Variants in TET2 observed in about 807,000 individuals in gnomAD.
TET2 encodes the protein tet methylcytosine dioxygenase 2, also known as methylcytosine dioxygenase TET2.
A neutral mutation model predicts 142.9 loss-of-function variants in TET2; 299 were observed. The observed-to-expected ratio is 2.09, with a 90% CI of 1.90 to 2.30. The LOEUF is 2.30. TET2 is among the 30% of genes most tolerant of loss of function. TET2 has a pLI of 0.00. For synonymous variants in TET2, 819 were observed against 849.0 expected (o/e 0.96, Z 0.61); for missense variants, 2,418 against 2,378.0 (o/e 1.02, Z -0.35).
At position 105,276,652 on chromosome 4, in the gene TET2, C is replaced by G; in HGVS notation, c.*133C>G. The G allele has an allele frequency of 9.7e-7, 1 of 1,032,120 alleles. No homozygotes were observed. The highest frequency in any genetic ancestry group is 1.4e-6 in the Non-Finnish European group (1 of 730,060). The allele number at this position is 1,032,120 out of a possible 1,614,324, so 63.9% of individuals were successfully genotyped here. On this transcript the variant is annotated 3_prime_UTR_variant, in exon 11 of 11. Coordinates refer to ENST00000380013, the MANE Select transcript of TET2 (RefSeq NM_001127208.3). ...AAATGTGGTGGGAAAAACCTCAGCTCACCAGCAACAAAAGAGGTTATCTTA... is the reference window on the plus strand; with the variant it reads ...AAATGTGGTGGGAAAAACCTCAGCTGACCAGCAACAAAAGAGGTTATCTTA...
At chr4:105,176,080 A>G (rs1724775782) in intron 1 of TET2, among the ~76,000 whole-genome samples, 1 of 152,186 alleles carries the variant, frequency 6.6e-6, no homozygotes, top group African/African-American at 2.4e-5. Flanking sequence ...GAGAGAGGTA[A>G]AATGATACAG....
intron 2 of TET2, among the ~76,000 whole-genome samples, chr4:105,223,650 C>T (rs1265372337): frequency 2.0e-5 from 3 of 152,100 alleles, no homozygotes; most frequent in Non-Finnish European, 4.4e-5. Flanking sequence ...GTATAATTGA[C>T]ACAAGCTATG....
intron 2 of TET2, among the ~76,000 whole-genome samples, chr4:105,196,390 C>A (rs181561434): frequency 6.0e-4 from 92 of 152,146 alleles, no homozygotes; most frequent in African/African-American, 2.1e-3. Flanking sequence ...ATGTAGAATT[C>A]TTGGGGACAC....
chr4:105,205,693 A>T (rs558596869), intron 2 of TET2, among the ~76,000 whole-genome samples: 16 of 152,084 alleles, frequency 1.1e-4, no homozygotes, highest in African/African-American at 3.9e-4. Flanking sequence ...GTGCAATGGC[A>T]GGATCTCAGC....
At chr4:105,269,187 C>T (rs1169580206) in intron 8 of TET2, among the ~76,000 whole-genome samples, 1 of 152,076 alleles carries the variant, frequency 6.6e-6, no homozygotes, top group Non-Finnish European at 1.5e-5. Flanking sequence ...AAAAGGTAAT[C>T]TTGACCCTTA....
Position 105,277,627 on chromosome 4 carries a change from T to TA in TET2, c.*1109dup, listed in dbSNP as rs1731282339. ...AGCCAGTTAAATCCACCATGGGGCT[T>TA]ACTGGATTCAAGGGAATACGTTAGT... On this transcript the variant is annotated 3_prime_UTR_variant, in exon 11 of 11. Transcript: ENST00000380013. The TA allele has an allele frequency of 4.4e-6, 1 of 229,336 alleles. No homozygotes were observed. The highest frequency in any genetic ancestry group is 8.6e-6 in the Non-Finnish European group (1 of 115,722). 14.2% of individuals were successfully genotyped at this position (229,336 alleles called of 1,614,324 possible).
In TET2 at chr4:105,243,819, G is replaced by T. The variant is rs1026155168; in HGVS notation, c.3803+41G>T. ...GGCCTCTCCCCTCTTTGCGGCCACTGATAGGAAAGCCCAATCTTTGGTTGA... is the reference window on the plus strand; with the variant it reads ...GGCCTCTCCCCTCTTTGCGGCCACTTATAGGAAAGCCCAATCTTTGGTTGA... On this transcript the variant is annotated intron_variant, in intron 6 of 10. Transcript: ENST00000380013. 3.3e-6 allele frequency: 5 copies of T among 1,519,430 alleles called. No homozygotes were observed. In the African/African-American group the frequency reaches 6.9e-5, roughly 21 times the overall value. The allele number at this position is 1,519,430 out of a possible 1,614,324, so 94.1% of individuals were successfully genotyped here. A position where few individuals can be genotyped will look rare whatever the true frequency, so the allele number is the denominator to read the frequency against.
intron 6 of TET2, among the ~76,000 whole-genome samples, chr4:105,257,677 C>G (rs1578713291): frequency 6.6e-6 from 1 of 152,144 alleles, no homozygotes; most frequent in Non-Finnish European, 1.5e-5. Context: ...ATGTGGCTTT[C>G]TAAATTCCCA....
At chr4:105,250,827 G>A (rs374718353) in intron 6 of TET2, among the ~76,000 whole-genome samples, 42 of 152,030 alleles carry the variant, frequency 2.8e-4, no homozygotes, top group Admixed American at 8.5e-4. Context: ...CTACAGGTGC[G>A]CGCCACCATG....
Position 105,200,637 on chromosome 4 carries a change from T to C in TET2, c.-47+10132T>C, listed in dbSNP as rs1419151248. ...ACTCCCAGGTCACACTGTTTTTTTT[T>C]GTTTGTTTTGTTTTTGTTTTTGTTT... On this transcript the variant is annotated intron_variant, in intron 2 of 10. Transcript: ENST00000380013. 2.0e-5 allele frequency among the ~76,000 whole-genome samples: 3 copies of C among 149,208 alleles called. No homozygotes were observed. In the East Asian group the frequency reaches 5.9e-4, roughly 29 times the overall value.
intron 1 of TET2, among the ~76,000 whole-genome samples, chr4:105,186,245 A>C (rs1487903598): frequency 2.0e-5 from 3 of 152,122 alleles, no homozygotes; most frequent in Non-Finnish European, 4.4e-5. Flanking sequence ...AACAAACAAA[A>C]AAACAAAAAC....
chr4:105,259,690 G>C lies in TET2; in HGVS notation c.3875G>C (p.Ser1292Thr). The change falls in exon 7 of 11, where the codon AGC (serine) becomes ACC (threonine). Residue 1292 changes from serine to threonine, a missense_variant. By Grantham distance (58) the Ser-to-Thr change is moderately conservative. Coordinates refer to ENST00000380013, the MANE Select transcript of TET2 (RefSeq NM_001127208.3). ...TCCTTCTCTTTTGGTTGTTCATGGA[G>C]CATGTACTACAATGGATGTAAGTTT... ...GASFSFGCSW[S>T]MYYNGCKFAR... is the part of the protein sequence containing the mutation. 2 of 1,551,188 alleles carry C rather than the reference G, an allele frequency of 1.3e-6. No individual in the cohort carries two copies. Among genetic ancestry groups the C allele is most frequent in the Non-Finnish European group, 1.7e-6 (2 of 1,146,622 alleles).
intron 2 of TET2, among the ~76,000 whole-genome samples, chr4:105,210,232 C>G (rs1727078548): frequency 6.6e-6 from 1 of 152,122 alleles, no homozygotes; most frequent in Admixed American, 6.6e-5. Flanking sequence ...AAGTATAGAT[C>G]TGAGATTGAA....
At chr4:105,153,473 T>C (rs1406977955) in intron 1 of TET2, among the ~76,000 whole-genome samples, 4 of 152,252 alleles carry the variant, frequency 2.6e-5, no homozygotes, top group Admixed American at 1.3e-4. Flanking sequence ...ATGTAAGTTT[T>C]TGTTTTCTTA....
rs530005434 is a variant in TET2, at chr4:105,157,869, G to T, written c.-193+10890G>T. On this transcript the variant is annotated intron_variant, in intron 1 of 10. Transcript: ENST00000380013. ...TTTTTGCATTTTTAGTAGAAACAGC[G>T]TTTCGCCATGTAGGCTAGGCTGGTC... Among the ~76,000 whole-genome samples, 7 of 152,060 alleles carry T rather than the reference G, an allele frequency of 4.6e-5. No individual in the cohort carries two copies. The East Asian group carries it at 1.4e-3, about 29-fold the overall frequency.
chr4:105,185,667 T>C (rs904556363), intron 1 of TET2, among the ~76,000 whole-genome samples: 3 of 152,046 alleles, frequency 2.0e-5, no homozygotes, highest in African/African-American at 4.8e-5. Context: ...TAATCCCAGC[T>C]ACTCAGGAGG....
In TET2 at chr4:105,275,369, G is replaced by C; in HGVS notation, c.4859G>C (p.Gly1620Ala). 6.4e-7 allele frequency: 1 copy of C among 1,551,494 alleles called. No homozygotes were observed. Among genetic ancestry groups the C allele is most frequent in the Non-Finnish European group, 8.7e-7 (1 of 1,146,952 alleles). Reference sequence around the variant, plus strand: ...TCTAATCCCATGAACCCTTACCCTGGGCTTTTGAATCAGAATACCCAATAT... The same window carrying C: ...TCTAATCCCATGAACCCTTACCCTGCGCTTTTGAATCAGAATACCCAATAT... ...NSSNPMNPYP[G>A]LLNQNTQYPS... Residue 1620 changes from glycine (G) to alanine (A), a missense_variant, in exon 11 of 11, where the codon GGG (glycine) becomes GCG (alanine). Coordinates refer to ENST00000380013, the MANE Select transcript of TET2 (RefSeq NM_001127208.3).
At chr4:105,165,032 G>A (rs1724080340) in intron 1 of TET2, among the ~76,000 whole-genome samples, 1 of 152,112 alleles carries the variant, frequency 6.6e-6, no homozygotes, top group African/African-American at 2.4e-5. Context: ...CCTCTATTTT[G>A]TATCATATTT....
rs2110229914 is a variant in TET2, at chr4:105,235,744, C to A, written c.1802C>A (p.Thr601Asn). The change falls in exon 3 of 11, where the codon ACC becomes AAC. Residue 601 changes from threonine to asparagine, a missense_variant. By Grantham distance (65) the Thr-to-Asn change is moderately conservative (BLOSUM62 0). Transcript: ENST00000380013. ...QYQPNLSNQM[T>N]SKQYTGNSNM... ...CAACCCAATCTCTCCAATCAAATGA[C>A]CTCCAAACAATACACTGGAAATTCC... 6.2e-7 allele frequency: 1 copy of A among 1,614,172 alleles called. No individual in the cohort carries two copies. Among genetic ancestry groups the A allele is most frequent in the East Asian group, 2.2e-5 (1 of 44,874 alleles).
Sources: gnomAD v4.1 joint callset for allele counts (sites outside exome capture counted in the v4.1 genomes callset) on GRCh38, gnomAD v4.1.1 for gene constraint, MANE v1.5 for transcripts, NCBI Gene and HGNC (gene_info 2026-07-23, HGNC 2026-07-21) for gene names.